ACAD10: variants seen among roughly 807,000 people sequenced by gnomAD.
ACAD10 encodes ACAD-10.
ACAD10 carries 112 observed loss-of-function variants against 116.8 expected under a neutral mutation model. The observed-to-expected ratio is 0.96, with a 90% CI of 0.82 to 1.12. The LOEUF (loss-of-function observed/expected upper bound fraction) is 1.12, where lower values mean the gene tolerates loss of function less well. ACAD10 is among the 50% of genes most tolerant of loss of function. The pLI, the probability that ACAD10 is intolerant of heterozygous loss-of-function variation, is 0.00. For missense variants in ACAD10, 1,259 were observed against 1,350.2 expected, an observed-to-expected ratio of 0.93 and a Z score of 1.06; for synonymous variants, 486 against 510.6, an observed-to-expected ratio of 0.95 and a Z score of 0.65.
At chr12:111,706,389 T>G (rs1335101741) in intron 4 of ACAD10, among the ~76,000 whole-genome samples, 8 of 152,240 alleles carry the variant, frequency 5.3e-5, no homozygotes, top group Admixed American at 5.2e-4. Flanking sequence ...CAACCTGTCA[T>G]GTGATAAACC....
At chr12:111,714,258 A>G (rs1475512375) in intron 6 of ACAD10, among the ~76,000 whole-genome samples, 1 of 151,904 alleles carries the variant, frequency 6.6e-6, no homozygotes, top group Non-Finnish European at 1.5e-5. Flanking sequence ...AAAAAAAAAA[A>G]AAAGTTGCAT....
At chr12:111,723,253 C>T (rs1347555778) in intron 8 of ACAD10, among the ~76,000 whole-genome samples, 1 of 133,524 alleles carries the variant, frequency 7.5e-6, no homozygotes, top group African/African-American at 2.8e-5. Context: ...CTCCTCACTT[C>T]CCAGTAGGGG....
intron 12 of ACAD10, among the ~76,000 whole-genome samples, chr12:111,737,332 G>A (rs1275162824): frequency 3.9e-5 from 6 of 151,924 alleles, no homozygotes; most frequent in Non-Finnish European, 7.4e-5. Flanking sequence ...ACAGGCCTGC[G>A]CCACCACGCC....
chr12:111,731,860 A>C (rs892212728), intron 10 of ACAD10, among the ~76,000 whole-genome samples: 1 of 152,198 alleles, frequency 6.6e-6, no homozygotes, highest in African/African-American at 2.4e-5. Flanking sequence ...AAGCGGGCAG[A>C]TCACTTGAGG....
chr12:111,697,584 CT>C (rs762619644), intron 2 of ACAD10, among the ~76,000 whole-genome samples: 121 of 120,548 alleles, frequency 1.0e-3, no homozygotes, highest in Middle Eastern at 4.7e-3. Context: ...TGGTCTCTCT[CT>C]TTTTTTTTTT....
chr12:111,741,023 T>C (rs1283931326), intron 12 of ACAD10, among the ~76,000 whole-genome samples: 1 of 151,968 alleles, frequency 6.6e-6, no homozygotes, highest in Non-Finnish European at 1.5e-5. Context: ...CATTCCCAAG[T>C]ATATGAGCCT....
chr12:111,733,183 C>T (rs983163990), intron 10 of ACAD10, among the ~76,000 whole-genome samples: 2 of 152,100 alleles, frequency 1.3e-5, no homozygotes, highest in African/African-American at 4.8e-5. Context: ...ACTGCAGCCA[C>T]CAACTCCTGG....
intron 2 of ACAD10, among the ~76,000 whole-genome samples, chr12:111,700,024 A>G (rs1888305008): frequency 6.6e-6 from 1 of 152,220 alleles, no homozygotes. Context: ...GACAATAGTA[A>G]ACAAGTGTGG....
At chr12:111,695,564 C>G (rs1289725227) in intron 2 of ACAD10, among the ~76,000 whole-genome samples, 1 of 152,058 alleles carries the variant, frequency 6.6e-6, no homozygotes, top group African/African-American at 2.4e-5. Flanking sequence ...TTCACTGTTG[C>G]AGTGTTAGCT....
chr12:111,700,274 G>T (rs1888311668), intron 2 of ACAD10, among the ~76,000 whole-genome samples: 1 of 152,176 alleles, frequency 6.6e-6, no homozygotes, highest in Non-Finnish European at 1.5e-5. Flanking sequence ...CATCTGTGTG[G>T]TATTCCGTTA....
At chr12:111,689,571 T>C (rs1887978922) in intron 1 of ACAD10, among the ~76,000 whole-genome samples, 1 of 151,918 alleles carries the variant, frequency 6.6e-6, no homozygotes. Flanking sequence ...GAGACGGGGC[T>C]TCACAATGTT....
chr12:111,737,102 A>G, intron 12 of ACAD10, 98 bp downstream of exon 12: 1 of 1,207,564 alleles, frequency 8.3e-7, no homozygotes, highest in Non-Finnish European at 1.1e-6. Context: ...GAGGCTTTGG[A>G]GAGACCGATT....
At chr12:111,720,547 T>A (rs149585510) in intron 7 of ACAD10, among the ~76,000 whole-genome samples, 1 of 152,334 alleles carries the variant, frequency 6.6e-6, no homozygotes, top group African/African-American at 2.4e-5. Context: ...AATGTCCCTC[T>A]TTATCTCTGG....
chr12:111,709,638 G>A lies in ACAD10; in HGVS notation c.644G>A (p.Gly215Glu). The change falls in exon 5 of 21, where the codon GGA becomes GAA. Residue 215 changes from glycine (G) to glutamate (E), a missense_variant. Transcript: ENST00000313698. ...GAGTCCATCTTTCTTGATGACCTTG[G>A]AACAAATCTAAAAGAAGCTGCCAGA... ...PSESIFLDDL[G>E]TNLKEAARLG... 1.2e-6 allele frequency: 2 copies of A among 1,613,822 alleles called. No homozygotes were observed. Among genetic ancestry groups the A allele is most frequent in the Non-Finnish European group, 1.7e-6 (2 of 1,179,950 alleles).
chr12:111,740,950 T>G (rs1158202032), intron 12 of ACAD10, among the ~76,000 whole-genome samples: 3 of 152,168 alleles, frequency 2.0e-5, no homozygotes, highest in Admixed American at 6.6e-5. Flanking sequence ...TGGCAGCCTG[T>G]GTTCTCAGCC....
At chr12:111,710,710 G>C (rs1015001994) in intron 5 of ACAD10, among the ~76,000 whole-genome samples, 1 of 151,982 alleles carries the variant, frequency 6.6e-6, no homozygotes, top group Non-Finnish European at 1.5e-5. Flanking sequence ...GCCCAAGCTG[G>C]TCTCAAACTC....
At chr12:111,755,845 GC>G in intron 20 of ACAD10, 100 bp downstream of exon 20, 1 of 1,198,422 alleles carries the variant, frequency 8.3e-7, no homozygotes. Context: ...CCTGGCAGAT[GC>G]CCTGTGTCAC....
intron 19 of ACAD10, among the ~76,000 whole-genome samples, chr12:111,755,434 C>G: frequency 6.6e-6 from 1 of 152,090 alleles, no homozygotes; most frequent in Admixed American, 6.6e-5. Flanking sequence ...GGGGGTCTCA[C>G]TCTGTTGTCC....
chr12:111,712,845 A>G (rs1888726942), intron 6 of ACAD10, among the ~76,000 whole-genome samples, 188 bp downstream of exon 6: 1 of 152,106 alleles, frequency 6.6e-6, no homozygotes, highest in African/African-American at 2.4e-5. Context: ...TAACTTCCCT[A>G]TTTATGCATC....
Sources: gnomAD v4.1 joint callset for allele counts (sites outside exome capture counted in the v4.1 genomes callset) on GRCh38, gnomAD v4.1.1 for gene constraint, MANE v1.5 for transcripts, NCBI Gene and HGNC (gene_info 2026-07-23, HGNC 2026-07-21) for gene names.